The following SLC26A7 variants were observed in gnomAD, a reference collection of about 807,000 sequenced individuals.
SLC26A7 encodes anion exchange transporter.
In SLC26A7, 59 loss-of-function variants were observed where a neutral mutation model predicts 82.5. The ratio of observed to expected loss-of-function variants is 0.72; its 90% CI spans 0.58 to 0.89. The LOEUF (loss-of-function observed/expected upper bound fraction) is 0.89, where lower values mean the gene tolerates loss of function less well. Among genes scored for constraint, SLC26A7 ranks in the 40% least tolerant of loss-of-function variants. The pLI is 0.00. For missense variants in SLC26A7, 820 were observed against 793.0 expected, an observed-to-expected ratio of 1.03 and a Z score of -0.41; for synonymous variants, 271 against 274.3, an observed-to-expected ratio of 0.99 and a Z score of 0.12.
At chr8:91,340,350 G>A in intron 7 of SLC26A7, 54 bp from the exon 8 acceptor site, 1 of 1,586,268 alleles carries the variant, frequency 6.3e-7, no homozygotes, top group Non-Finnish European at 8.6e-7. Flanking sequence ...ATTGCAAGTT[G>A]TTACAGAAAT....
chr8:91,313,157 T>G (rs2130801508), intron 4 of SLC26A7, among the ~76,000 whole-genome samples: 1 of 152,286 alleles, frequency 6.6e-6, no homozygotes, highest in South Asian at 2.1e-4. Context: ...TTGATTAATT[T>G]TTGTATATGG....
chr8:91,271,943 A>C (rs995393577), intron 2 of SLC26A7, among the ~76,000 whole-genome samples: 1 of 152,176 alleles, frequency 6.6e-6, no homozygotes, highest in African/African-American at 2.4e-5. Flanking sequence ...GAAACATGCC[A>C]GGGGATAATT....
At chr8:91,317,084 TG>T (rs1301886032) in intron 4 of SLC26A7, among the ~76,000 whole-genome samples, 1 of 140,162 alleles carries the variant, frequency 7.1e-6, no homozygotes, top group Non-Finnish European at 1.5e-5. Flanking sequence ...CACTTGAGCC[TG>T]GGGGGTGGAG....
intron 5 of SLC26A7, 65 bp from the exon 6 acceptor site, chr8:91,334,230 T>C: frequency 2.1e-6 from 3 of 1,428,572 alleles, no homozygotes; most frequent in Non-Finnish European, 2.9e-6. Flanking sequence ...ATTGGGGCCA[T>C]ATTTTCATGT....
chr8:91,324,227 G>A (rs1041282835), intron 5 of SLC26A7, among the ~76,000 whole-genome samples: 1 of 152,222 alleles, frequency 6.6e-6, no homozygotes, highest in African/African-American at 2.4e-5. Context: ...GTTTAATGAT[G>A]TATAATGATA....
chr8:91,349,240 AC>A (rs71273701), intron 9 of SLC26A7, among the ~76,000 whole-genome samples: 25,906 of 152,096 alleles, frequency 0.17, 2,521 homozygotes, highest in Middle Eastern at 0.29. Flanking sequence ...AGCTAACATA[AC>A]CCATTTGCTT....
intron 2 of SLC26A7, among the ~76,000 whole-genome samples, chr8:91,279,432 C>G (rs994539920): frequency 6.6e-6 from 1 of 152,040 alleles, no homozygotes; most frequent in African/African-American, 2.4e-5. Context: ...CATGGCTTTC[C>G]TTTTCTTCAT....
intron 5 of SLC26A7, among the ~76,000 whole-genome samples, chr8:91,326,631 A>C (rs1348043001): frequency 2.6e-5 from 4 of 152,204 alleles, no homozygotes; most frequent in Non-Finnish European, 2.9e-5. Context: ...TTGAAGGAAC[A>C]CAAGTCAGCC....
At chr8:91,321,705 G>C (rs1812794553) in intron 5 of SLC26A7, among the ~76,000 whole-genome samples, 1 of 152,050 alleles carries the variant, frequency 6.6e-6, no homozygotes, top group Non-Finnish European at 1.5e-5. Context: ...TTTATCTCTA[G>C]ATTCATATAC....
intron 2 of SLC26A7, among the ~76,000 whole-genome samples, chr8:91,251,750 A>G (rs1053458621): frequency 6.6e-6 from 1 of 152,086 alleles, no homozygotes; most frequent in African/African-American, 2.4e-5. Context: ...CCTGATAAGT[A>G]GTGGAGTCAG....
intron 13 of SLC26A7, among the ~76,000 whole-genome samples, chr8:91,365,076 T>G (rs994998849): frequency 6.6e-6 from 1 of 152,206 alleles, no homozygotes; most frequent in African/African-American, 2.4e-5. Context: ...CTTCCTGATT[T>G]GAGAGATCTC....
Position 91,230,666 on chromosome 8 carries a change from A to G in SLC26A7, c.-34+11661A>G, listed in dbSNP as rs1810298898. 2.6e-5 allele frequency among the ~76,000 whole-genome samples: 4 copies of G among 152,240 alleles called. No individual in the cohort carries two copies. The South Asian group carries it at 6.2e-4, about 24-fold the overall frequency. ...GTTACTATAAAGATTAAATGAATCA[A>G]TTTATGAAAAGCACATAGCCTAGCA... On this transcript the variant is annotated intron_variant, in intron 2 of 5. Coordinates refer to the SLC26A7 transcript ENST00000522862.
At chr8:91,310,127 A>G (rs1396907843) in intron 4 of SLC26A7, among the ~76,000 whole-genome samples, 1 of 152,120 alleles carries the variant, frequency 6.6e-6, no homozygotes, top group Non-Finnish European at 1.5e-5. Context: ...AAACAGTTTA[A>G]TAACTGCCTG....
In SLC26A7 at chr8:91,312,380, T is replaced by C. The variant is rs149630133; in HGVS notation, c.478-5836T>C. Among the ~76,000 whole-genome samples, 91 of 152,324 alleles carry C rather than the reference T, an allele frequency of 6.0e-4. No individual in the cohort carries two copies. The East Asian group carries it at 0.014, about 24-fold the overall frequency. On this transcript the variant is annotated intron_variant, in intron 4 of 18. Coordinates refer to ENST00000276609, the MANE Select transcript of SLC26A7 (RefSeq NM_052832.4). ...CTGATGGACACTTGGTTATCCATTA[T>C]AGTTACTCTGAATAATGCTGCTATA...
At position 91,395,312 on chromosome 8, in the gene SLC26A7, TA is replaced by T. The variant is rs1159580939; in HGVS notation, c.*220del. The stretch of plus-strand genomic sequence containing the variant: ...AGAAGATTCGCTTAGTTATTTTATG[TA>T]AAAATCAGTATGTGTTTAGTTTTAG... On this transcript the variant is annotated 3_prime_UTR_variant, in exon 19 of 19. Coordinates refer to ENST00000276609, the MANE Select transcript of SLC26A7 (RefSeq NM_052832.4). 1 of 1,225,748 alleles carries T rather than the reference TA, an allele frequency of 8.2e-7. No homozygotes were observed. The highest frequency in any genetic ancestry group is 1.5e-5 in the African/African-American group (1 of 64,956). 75.9% of individuals were successfully genotyped at this position (1,225,748 alleles called of 1,614,324 possible). A position where few individuals can be genotyped will look rare whatever the true frequency, so the allele number is the denominator to read the frequency against.
chr8:91,246,807 C>T (rs537036991), upstream of SLC26A7, among the ~76,000 whole-genome samples: 9 of 152,192 alleles, frequency 5.9e-5, no homozygotes, highest in East Asian at 3.9e-4. Context: ...TGTTTTTCCC[C>T]GCAAAGGGAA....
intron 2 of SLC26A7, among the ~76,000 whole-genome samples, chr8:91,230,051 T>A (rs561374702): frequency 6.6e-6 from 1 of 152,364 alleles, no homozygotes; most frequent in African/African-American, 2.4e-5. Context: ...AAAGGAATCA[T>A]ACAATATGTA....
intron 9 of SLC26A7, among the ~76,000 whole-genome samples, chr8:91,345,623 G>A (rs1490560445): frequency 6.6e-6 from 1 of 152,060 alleles, no homozygotes; most frequent in Non-Finnish European, 1.5e-5. Context: ...AAACATCCTG[G>A]TATGGTCAAG....
chr8:91,276,979 T>C (rs925918547), intron 2 of SLC26A7, among the ~76,000 whole-genome samples: 1 of 152,178 alleles, frequency 6.6e-6, no homozygotes, highest in Non-Finnish European at 1.5e-5. Flanking sequence ...TCAACACACA[T>C]ACATGCCTCT....
Sources: gnomAD v4.1 joint callset for allele counts (sites outside exome capture counted in the v4.1 genomes callset) on GRCh38, gnomAD v4.1.1 for gene constraint, MANE v1.5 for transcripts, NCBI Gene and HGNC (gene_info 2026-07-23, HGNC 2026-07-21) for gene names.